The following ZNF227 variants were observed in gnomAD, a reference collection of about 807,000 sequenced individuals.
ZNF227 encodes the protein zinc finger protein 227.
A neutral mutation model predicts 13.2 loss-of-function variants in ZNF227; 12 were observed. The observed-to-expected ratio is 0.91, with a 90% CI of 0.58 to 1.47. The LOEUF (loss-of-function observed/expected upper bound fraction) is 1.47, where lower values mean the gene tolerates loss of function less well. ZNF227 is among the 40% of genes most tolerant of loss of function. The pLI is 0.00. For synonymous variants in ZNF227, 338 were observed against 326.0 expected, an observed-to-expected ratio of 1.04 and a Z score of -0.40; for missense variants, 885 against 967.5, an observed-to-expected ratio of 0.91 and a Z score of 1.13.
intron 5 of ZNF227, 52 bp downstream of exon 5, chr19:44,229,868 C>T: frequency 7.6e-7 from 1 of 1,316,442 alleles, no homozygotes; most frequent in Non-Finnish European, 1.0e-6. Context: ...ACTGGTTAGT[C>T]TGCATCTTAC....
Position 44,231,240 on chromosome 19 carries a change from A to G in ZNF227, c.271+1424A>G, listed in dbSNP as rs192096215. Among the ~76,000 whole-genome samples, 513 of 151,142 alleles carry G rather than the reference A, an allele frequency of 3.4e-3. 8 individuals are homozygous for G. Among genetic ancestry groups the G allele is most frequent in the East Asian group, 9.7e-4 (5 of 5,132 alleles). The stretch of plus-strand genomic sequence containing the variant: ...AGTGATTGTCCTGCCTCAGCCTCCG[A>G]AGTTACTGGGATTACAGGTGACCAC... On this transcript the variant is annotated intron_variant, in intron 5 of 5. Transcript: ENST00000313040.
intron 3 of ZNF227, among the ~76,000 whole-genome samples, chr19:44,219,759 T>TTTTATTTATTTATTTA (rs370761338): frequency 1.3e-5 from 2 of 149,346 alleles, no homozygotes; most frequent in African/African-American, 2.5e-5. Flanking sequence ...GTTGATTTTC[T>TTTTATTTATTTATTTA]TTTATTTATT....
chr19:44,237,022 G>T lies in ZNF227; in HGVS notation c.*192G>T. ...AGGAATAGAACTCGTATTTAGGGGAGAAATAGGGCTGGTGGCTCTCTTGGT... is the reference window on the plus strand; with the variant it reads ...AGGAATAGAACTCGTATTTAGGGGATAAATAGGGCTGGTGGCTCTCTTGGT... On this transcript the variant is annotated 3_prime_UTR_variant, in exon 6 of 6. Transcript: ENST00000313040. 1.9e-6 allele frequency: 1 copy of T among 524,628 alleles called. No homozygotes were observed. Among genetic ancestry groups the T allele is most frequent in the African/African-American group, 1.9e-5 (1 of 52,542 alleles). The allele number at this position is 524,628 out of a possible 1,614,324, so 32.5% of individuals were successfully genotyped here.
At chr19:44,224,837 T>C (rs1972926653) in intron 3 of ZNF227, among the ~76,000 whole-genome samples, 1 of 152,254 alleles carries the variant, frequency 6.6e-6, no homozygotes, top group Non-Finnish European at 1.5e-5. Flanking sequence ...TTTTGCTCGT[T>C]AGTTGATGCA....
rs138959315 is a variant in ZNF227, at chr19:44,226,886, G to A, written c.61-1560G>A. ...TGCATTGCTCATGCTGGGAGCTGTA[G>A]ACCGGAGCTGTTCCTATTCAGCCAT... On this transcript the variant is annotated intron_variant, in intron 3 of 5. Transcript: ENST00000313040. Among the ~76,000 whole-genome samples, 572 of 152,274 alleles carry A rather than the reference G, an allele frequency of 3.8e-3. 1 individual carries two copies. The highest frequency in any genetic ancestry group is 0.013 in the African/African-American group (553 of 41,554).
intron 3 of ZNF227, among the ~76,000 whole-genome samples, chr19:44,222,149 T>C (rs1272140363): frequency 6.6e-6 from 1 of 152,054 alleles, no homozygotes; most frequent in East Asian, 1.9e-4. Flanking sequence ...AGTACCATGC[T>C]GTTTTGGTTA....
chr19:44,220,152 T>C (rs1972332045), intron 3 of ZNF227, among the ~76,000 whole-genome samples: 1 of 152,212 alleles, frequency 6.6e-6, no homozygotes, highest in Non-Finnish European at 1.5e-5. Flanking sequence ...GGTGTATATG[T>C]GCCACATTTT....
At position 44,235,085 on chromosome 19, in the gene ZNF227, A is replaced by G; in HGVS notation, c.655A>G (p.Thr219Ala). The change falls in exon 6 of 6, where the codon ACT (threonine) becomes GCT (alanine). Residue 219 changes from threonine to alanine, a missense_variant. Thr to Ala is a moderately conservative substitution (Grantham distance 58). Transcript: ENST00000313040. ...KKSPFHEHIKTDTEPKPCKGN... is the reference protein window; with the variant it reads ...KKSPFHEHIKADTEPKPCKGN... ...ATCACCATTTCATGAGCATATTAAAACTGACACAGAACCAAAACCCTGCAA... is the reference window on the plus strand; with the variant it reads ...ATCACCATTTCATGAGCATATTAAAGCTGACACAGAACCAAAACCCTGCAA... 1 of 1,613,924 alleles carries G rather than the reference A, an allele frequency of 6.2e-7. No individual in the cohort carries two copies. Among genetic ancestry groups the G allele is most frequent in the Non-Finnish European group, 8.5e-7 (1 of 1,179,980 alleles).
chr19:44,218,533 AT>A (rs1972123841), intron 3 of ZNF227, among the ~76,000 whole-genome samples: 2 of 152,062 alleles, frequency 1.3e-5, no homozygotes, highest in Non-Finnish European at 2.9e-5. Context: ...AGAGCTATAT[AT>A]TTTTCCCGTT....
intron 2 of ZNF227, 156 bp from the exon 3 acceptor site, chr19:44,217,635 C>T (rs766043166): frequency 1.2e-6 from 1 of 836,154 alleles, no homozygotes; most frequent in African/African-American, 1.7e-5. Context: ...ACTGAACTAT[C>T]ATGCCATTTA....
chr19:44,230,686 A>G (rs1160404300), intron 5 of ZNF227, among the ~76,000 whole-genome samples: 1 of 151,754 alleles, frequency 6.6e-6, no homozygotes, highest in Non-Finnish European at 1.5e-5. Context: ...TTAAAATACC[A>G]TCTTCCTTCC....
At chr19:44,215,791 C>T (rs990495916) in intron 2 of ZNF227, among the ~76,000 whole-genome samples, 13 of 151,824 alleles carry the variant, frequency 8.6e-5, no homozygotes, top group African/African-American at 2.7e-4. Context: ...AGTTTGAGAC[C>T]AGCCTGGCCA....
At chr19:44,211,220 AACAACAACAAAACAG>A (rs1274189574), upstream of ZNF227, among the ~76,000 whole-genome samples, 4 of 93,076 alleles carry the variant, frequency 4.3e-5, no homozygotes, top group Middle Eastern at 6.2e-3. Flanking sequence ...CAACAACAAC[AACAACAACAAAACAG>A]AACAAAAAAA....
chr19:44,227,979 A>G (rs984025799), intron 3 of ZNF227, among the ~76,000 whole-genome samples: 1 of 152,182 alleles, frequency 6.6e-6, no homozygotes, highest in South Asian at 2.1e-4. Flanking sequence ...CTATAATCAC[A>G]GCACTTTGGG....
intron 5 of ZNF227, among the ~76,000 whole-genome samples, chr19:44,233,317 T>C (rs1296730938): frequency 1.3e-5 from 2 of 152,156 alleles, no homozygotes; most frequent in African/African-American, 4.8e-5. Context: ...TTTCCTATAG[T>C]AGTACTCTTA....
At position 44,235,049 on chromosome 19, in the gene ZNF227, T is replaced by A. The variant is rs758333889; in HGVS notation, c.619T>A (p.Phe207Ile). 2 of 1,613,856 alleles carry A rather than the reference T, an allele frequency of 1.2e-6. No homozygotes were observed. Among genetic ancestry groups the A allele is most frequent in the Non-Finnish European group, 1.7e-6 (2 of 1,179,992 alleles). Residue 207 changes from phenylalanine (F) to isoleucine (I), a missense_variant, in exon 6 of 6, where the codon TTC becomes ATC. Coordinates refer to ENST00000313040, the MANE Select transcript of ZNF227 (RefSeq NM_182490.3). ...AAATAACCTGCAAATACATGAAGAC[T>A]TCATGAAGAAATCACCATTTCATGA... ...VKNNLQIHED[F>I]MKKSPFHEHI...
chr19:44,217,876 CTT>C (rs982664191), intron 3 of ZNF227, 24 bp downstream of exon 3: 1 of 1,611,374 alleles, frequency 6.2e-7, no homozygotes, highest in African/African-American at 1.3e-5. Flanking sequence ...TCCTTGCTGT[CTT>C]TTAAAATGTG....
chr19:44,208,279 C>A (rs1171270685), upstream of ZNF227, among the ~76,000 whole-genome samples: 2 of 152,094 alleles, frequency 1.3e-5, no homozygotes, highest in Non-Finnish European at 2.9e-5. Context: ...ACTGCAAATT[C>A]TTTTATAAAT....
intron 2 of ZNF227, 138 bp from the exon 3 acceptor site, chr19:44,217,653 G>C: frequency 2.2e-6 from 2 of 913,378 alleles, no homozygotes; most frequent in Non-Finnish European, 3.7e-6. Flanking sequence ...TTAGTAGCTG[G>C]AATACAGTCC....
Sources: allele counts gnomAD v4.1 joint callset (sites outside exome capture counted in the v4.1 genomes callset), GRCh38; gene constraint gnomAD v4.1.1; transcripts MANE v1.5; gene names NCBI Gene and HGNC (gene_info 2026-07-23, HGNC 2026-07-21).